The following TMEM63A variants were observed in gnomAD, a reference collection of about 807,000 sequenced individuals.
TMEM63A encodes transmembrane protein 63A.
In TMEM63A, 76 loss-of-function variants were observed where a neutral mutation model predicts 100.6. The observed-to-expected ratio is 0.76, with a 90% CI of 0.63 to 0.91. The LOEUF (loss-of-function observed/expected upper bound fraction) is 0.91. Ranked by LOEUF, TMEM63A falls within the 40% of genes least tolerant of loss-of-function variation. The probability of loss-of-function intolerance (pLI) is 0.00; values close to 1 mark genes in which losing one functional copy is unlikely to be tolerated. For synonymous variants in TMEM63A, 401 were observed against 401.1 expected, an observed-to-expected ratio of 1.00 and a Z score of 0.00; for missense variants, 876 against 1,008.8, an observed-to-expected ratio of 0.87 and a Z score of 1.78.
At chr1:225,842,066 T>C (rs1054907823), downstream of TMEM63A, among the ~76,000 whole-genome samples, 3 of 152,244 alleles carry the variant, frequency 2.0e-5, no homozygotes, top group Non-Finnish European at 4.4e-5. Context: ...GCACTTCTCA[T>C]TGGGACCCCA....
In TMEM63A at chr1:225,862,201, G is replaced by A. The variant is rs1322498964; in HGVS notation, c.1085+17C>T. On this transcript the variant is annotated intron_variant, in intron 13 of 24. Transcript: ENST00000366835. The surrounding 1 kb of genome is among the most constrained non-coding windows in gnomAD (Gnocchi z 5.1). ...AGGGAGTCAGCCAAGAAGGGGTCTG[G>A]ATGTGCCTACACTCACTAGGTGGCC... The A allele has an allele frequency of 6.2e-7, 1 of 1,613,126 alleles. No individual in the cohort carries two copies. Among genetic ancestry groups the A allele is most frequent in the Non-Finnish European group, 8.5e-7 (1 of 1,179,940 alleles).
In TMEM63A at chr1:225,865,788, A is replaced by G. The variant is rs915767184; in HGVS notation, c.746+109T>C. The stretch of plus-strand genomic sequence containing the variant: ...GGTCCTTCTCAGATCTCACCTGGAT[A>G]CCCAAGCGAGAGACAGAAGGCGCTC... On this transcript the variant is annotated intron_variant, in intron 10 of 24. Coordinates refer to ENST00000366835, the MANE Select transcript of TMEM63A (RefSeq NM_014698.3). The surrounding 1 kb of genome is among the most constrained non-coding windows in gnomAD (Gnocchi z 4.6). 5.6e-5 allele frequency: 62 copies of G among 1,106,096 alleles called. No individual in the cohort carries two copies. The highest frequency in any genetic ancestry group is 7.8e-5 in the Non-Finnish European group (59 of 753,178). The allele number at this position is 1,106,096 out of a possible 1,614,324, so 68.5% of individuals were successfully genotyped here. A position where few individuals can be genotyped will look rare whatever the true frequency, so the allele number is the denominator to read the frequency against.
At chr1:225,856,327 G>GTTTTTT (rs71574544) in intron 17 of TMEM63A, among the ~76,000 whole-genome samples, 74 of 108,038 alleles carry the variant, frequency 6.8e-4, no homozygotes, top group South Asian at 6.7e-3. Flanking sequence ...TTTCAAGCTG[G>GTTTTTT]TTTTTTTTTT....
intron 9 of TMEM63A, 180 bp downstream of exon 9, chr1:225,866,394 C>G: frequency 1.7e-6 from 1 of 594,340 alleles, no homozygotes; most frequent in East Asian, 2.9e-5. Context: ...AACAATCCAC[C>G]AGGAAACTGT....
At chr1:225,879,629 C>T (rs980183726) in intron 1 of TMEM63A, among the ~76,000 whole-genome samples, 2 of 152,216 alleles carry the variant, frequency 1.3e-5, no homozygotes, top group African/African-American at 4.8e-5. Flanking sequence ...CTCCTCCTTC[C>T]TCGGCCAGCA....
chr1:225,868,669 A>G (rs1670339402), intron 6 of TMEM63A, among the ~76,000 whole-genome samples: 1 of 151,708 alleles, frequency 6.6e-6, no homozygotes, highest in African/African-American at 2.4e-5. Context: ...CCTGGGTGAC[A>G]CAGTGAGACT....
At chr1:225,850,120 C>T (rs1396487177) in intron 20 of TMEM63A, 41 bp from the exon 21 acceptor site, 2 of 1,608,282 alleles carry the variant, frequency 1.2e-6, no homozygotes, top group Non-Finnish European at 1.7e-6. Flanking sequence ...CTCGCAGGGC[C>T]ACACAGACAC....
chr1:225,851,293 G>T (rs1669325891), intron 20 of TMEM63A, among the ~76,000 whole-genome samples: 1 of 152,334 alleles, frequency 6.6e-6, no homozygotes, highest in East Asian at 1.9e-4. Flanking sequence ...TCTTACCCCA[G>T]GGGTGGCACA....
chr1:225,880,047 GC>G (rs745494096), intron 1 of TMEM63A, among the ~76,000 whole-genome samples: 4 of 152,144 alleles, frequency 2.6e-5, no homozygotes, highest in Admixed American at 6.5e-5. Flanking sequence ...CCTCCCTCCA[GC>G]CCCAGTCATG....
intron 4 of TMEM63A, 139 bp downstream of exon 4, chr1:225,874,149 G>T: frequency 1.3e-6 from 1 of 776,918 alleles, no homozygotes; most frequent in Non-Finnish European, 2.0e-6. Flanking sequence ...GGCTTCATAA[G>T]CCCCTAGCCC....
chr1:225,871,973 C>A lies in TMEM63A; in HGVS notation c.333+14G>T, dbSNP rs754586693. On this transcript the variant is annotated intron_variant, in intron 5 of 24. Coordinates refer to ENST00000366835, the MANE Select transcript of TMEM63A (RefSeq NM_014698.3). ...CCCCCTGGCCATGACCACAACTGGG[C>A]CTTAGATACCAACCAGCTCATTTTC... 1.9e-6 allele frequency: 3 copies of A among 1,607,696 alleles called. No individual in the cohort carries two copies. The South Asian group carries it at 3.3e-5, about 18-fold the overall frequency.
At position 225,849,902 on chromosome 1, in the gene TMEM63A, G is replaced by A. The variant is rs775265731; in HGVS notation, c.2071+10C>T. ...CCAAGGGCTGGCCCCAGGTCAGAAG[G>A]GCTGCTCACCCAGGCGCAGGAAGGA... On this transcript the variant is annotated intron_variant, in intron 21 of 24. Transcript: ENST00000366835. The A allele has an allele frequency of 2.5e-6, 4 of 1,613,168 alleles. No individual in the cohort carries two copies. Among genetic ancestry groups the A allele is most frequent in the Admixed American group, 3.3e-5 (2 of 59,970 alleles).
chr1:225,874,331 ATCT>A lies in TMEM63A; in HGVS notation c.220_222del (p.Arg74del), dbSNP rs1274543791. ...AGGGCAATGCGGCCATAGTCCCAGA[ATCT>A]TCTTCTTATAATAGAAAACACCAAG... is the stretch of plus-strand genomic sequence containing the variant. On this transcript the variant is annotated inframe_deletion, in exon 4 of 25. Transcript: ENST00000366835. The A allele has an allele frequency of 1.9e-6, 3 of 1,614,030 alleles. No homozygotes were observed. The highest frequency in any genetic ancestry group is 1.7e-5 in the Admixed American group (1 of 59,960).
chr1:225,849,024 G>A lies in TMEM63A; in HGVS notation c.2072-12C>T, dbSNP rs749666810. The A allele has an allele frequency of 5.8e-6, 9 of 1,558,256 alleles. No individual in the cohort carries two copies. The highest frequency in any genetic ancestry group is 7.8e-6 in the Non-Finnish European group (9 of 1,147,430). On this transcript the variant is annotated splice_polypyrimidine_tract_variant and intron_variant, in intron 21 of 24. Coordinates refer to ENST00000366835, the MANE Select transcript of TMEM63A (RefSeq NM_014698.3). ...GGGGGCCTTCATACCTGGTGATAGA[G>A]GGTGGCTAGCCTTGGGGTGGGCAGG...
intron 2 of TMEM63A, among the ~76,000 whole-genome samples, chr1:225,877,997 C>T (rs1039625592): frequency 1.7e-4 from 26 of 151,894 alleles, no homozygotes; most frequent in African/African-American, 6.3e-4. Context: ...AGAGTACAGG[C>T]AGAGGAGAGG....
At chr1:225,877,697 T>A in intron 2 of TMEM63A, 103 bp from the exon 3 acceptor site, 2 of 1,212,490 alleles carry the variant, frequency 1.6e-6, no homozygotes, top group South Asian at 1.6e-5. Flanking sequence ...TCCCAGGGAC[T>A]GATCGGGCAG....
downstream of TMEM63A, chr1:225,842,255 C>T: frequency 1.2e-6 from 1 of 830,030 alleles, no homozygotes; most frequent in East Asian, 2.4e-5. Flanking sequence ...TCGAACGTGG[C>T]TTCCTGCACA....
chr1:225,866,322 G>A (rs1012535561), intron 9 of TMEM63A: 3 of 526,732 alleles, frequency 5.7e-6, no homozygotes, highest in East Asian at 3.3e-5. Flanking sequence ...GGGCGGCAAA[G>A]AGAAAGGGCT....
chr1:225,857,107 G>C, intron 15 of TMEM63A, 90 bp from the exon 16 acceptor site: 1 of 1,108,102 alleles, frequency 9.0e-7, no homozygotes, highest in East Asian at 3.0e-5. Context: ...TCGCTCAGTG[G>C]ACTCCCAGGG....
Sources: allele counts gnomAD v4.1 joint callset (sites outside exome capture counted in the v4.1 genomes callset), GRCh38; gene constraint gnomAD v4.1.1; non-coding constraint Gnocchi (gnomAD v3.1); transcripts MANE v1.5; gene names NCBI Gene and HGNC (gene_info 2026-07-23, HGNC 2026-07-21).